The following UBXN7 variants were observed in gnomAD, a reference collection of about 807,000 sequenced individuals.
The protein encoded by UBXN7 is UBX domain protein 7.
A neutral mutation model predicts 58.0 loss-of-function variants in UBXN7; 9 were observed. That is an observed-to-expected ratio of 0.16 (90% confidence interval 0.09 to 0.27). The LOEUF (loss-of-function observed/expected upper bound fraction) is 0.27. UBXN7 is among the 10% of genes least tolerant of loss of function. The pLI is 1.00. For missense variants in UBXN7, 328 were observed against 599.6 expected (o/e 0.55, Z 4.73); for synonymous variants, 208 against 205.0 (o/e 1.01, Z -0.12).
intron 4 of UBXN7, 52 bp downstream of exon 4, chr3:196,393,502 T>G (rs369714096): frequency 9.7e-6 from 15 of 1,542,822 alleles, no homozygotes; most frequent in African/African-American, 5.6e-5. Context: ...CATCTTTGTC[T>G]TTTTAATAGG....
intron 1 of UBXN7, among the ~76,000 whole-genome samples, chr3:196,411,725 C>T (rs1407323196): frequency 4.6e-5 from 7 of 151,914 alleles, no homozygotes; most frequent in African/African-American, 9.7e-5. Flanking sequence ...ACAGGAGAAT[C>T]GCTTAACCTG....
At chr3:196,423,181 T>C (rs1730740249) in intron 1 of UBXN7, 3 of 152,878 alleles carry the variant, frequency 2.0e-5, no homozygotes, top group Middle Eastern at 3.4e-3. Context: ...GGTCTGGGGA[T>C]CATCTCTACC....
chr3:196,407,171 A>C, intron 2 of UBXN7, 75 bp downstream of exon 2: 1 of 1,562,920 alleles, frequency 6.4e-7, no homozygotes, highest in Non-Finnish European at 8.7e-7. Context: ...CAGAGAATCG[A>C]CCTAGCTTTG....
chr3:196,382,310 G>T (rs1475123108), intron 5 of UBXN7, among the ~76,000 whole-genome samples: 1 of 152,180 alleles, frequency 6.6e-6, no homozygotes, highest in South Asian at 2.1e-4. Flanking sequence ...AACCCTACAA[G>T]CCAGAAGAGT....
Position 196,355,955 on chromosome 3 carries a change from T to C in UBXN7, c.*730A>G, listed in dbSNP as rs1728334009. 1 of 152,390 alleles carries C rather than the reference T, an allele frequency of 6.6e-6. No homozygotes were observed. Among genetic ancestry groups the C allele is most frequent in the African/African-American group, 2.4e-5 (1 of 41,446 alleles). 9.4% of individuals were successfully genotyped at this position (152,390 alleles called of 1,614,324 possible). A position where few individuals can be genotyped will look rare whatever the true frequency, so the allele number is the denominator to read the frequency against. On this transcript the variant is annotated 3_prime_UTR_variant, in exon 11 of 11. Transcript: ENST00000296328. Reference sequence around the variant, plus strand: ...GACTAGCAGGATCAATACAGAGTAATAAGGAAAACTGTCTCAGGTTAGGAC... The same window carrying C: ...GACTAGCAGGATCAATACAGAGTAACAAGGAAAACTGTCTCAGGTTAGGAC...
chr3:196,407,766 G>GA (rs1730206427), intron 1 of UBXN7, among the ~76,000 whole-genome samples: 1 of 152,130 alleles, frequency 6.6e-6, no homozygotes, highest in African/African-American at 2.4e-5. Context: ...TGCTTTGTTA[G>GA]AAAGAATACA....
At chr3:196,357,954 T>C (rs1728396101) in intron 10 of UBXN7, among the ~76,000 whole-genome samples, 1 of 152,080 alleles carries the variant, frequency 6.6e-6, no homozygotes, top group Non-Finnish European at 1.5e-5. Context: ...GAGAATGGCT[T>C]AAGCCTGGCA....
At position 196,356,764 on chromosome 3, in the gene UBXN7, G is replaced by A; in HGVS notation, c.1391C>T (p.Ser464Phe). Reference sequence around the variant, plus strand: ...CAATGTAATATCATAGTCCAGATGAGATAATTTCCTTCGAGGAAAGTTGGT... The same window carrying A: ...CAATGTAATATCATAGTCCAGATGAAATAATTTCCTTCGAGGAAAGTTGGT... Reference protein sequence around the residue: ...LLTNFPRRKLSHLDYDITLQE... With the variant: ...LLTNFPRRKLFHLDYDITLQE... Residue 464 changes from serine (S) to phenylalanine (F), a missense_variant, in exon 11 of 11, where the codon TCT becomes TTT. Ser to Phe is a radical substitution (Grantham distance 155). Around this residue, in one of 4 missense-constraint regions of UBXN7, gnomAD observed 30 missense variants for 94.8 expected, o/e 0.32. Coordinates refer to ENST00000296328, the MANE Select transcript of UBXN7 (RefSeq NM_015562.2). 1 of 1,613,994 alleles carries A rather than the reference G, an allele frequency of 6.2e-7. No homozygotes were observed. The highest frequency in any genetic ancestry group is 8.5e-7 in the Non-Finnish European group (1 of 1,180,008).
chr3:196,392,878 G>A (rs1347711915), intron 4 of UBXN7, among the ~76,000 whole-genome samples: 2 of 152,114 alleles, frequency 1.3e-5, no homozygotes, highest in Non-Finnish European at 2.9e-5. Flanking sequence ...TCCACTGGAA[G>A]GACACAGGAT....
At position 196,348,923 on chromosome 3, in the gene UBXN7, CAAACAAAACAAAACA is replaced by C. The variant is rs368311889; in HGVS notation, c.*7747_*7761del. The C allele has an allele frequency of 2.0e-5, 3 of 151,530 alleles. No individual in the cohort carries two copies. Among genetic ancestry groups the C allele is most frequent in the Admixed American group, 6.6e-5 (1 of 15,202 alleles). 9.4% of individuals were successfully genotyped at this position (151,530 alleles called of 1,614,324 possible). ...CTCGAAAAAGGACTTTCCTGAAGGG[CAAACAAAACAAAACA>C]AAACAAAACAAAACAAACAAAACAA... is the stretch of plus-strand genomic sequence containing the variant. On this transcript the variant is annotated 3_prime_UTR_variant, in exon 11 of 11. Transcript: ENST00000296328.
chr3:196,420,489 C>T (rs896663549), intron 1 of UBXN7, among the ~76,000 whole-genome samples: 11 of 151,224 alleles, frequency 7.3e-5, no homozygotes, highest in African/African-American at 2.7e-4. Context: ...CAAGATTGCG[C>T]CATTGCACTC....
intron 7 of UBXN7, 109 bp from the exon 8 acceptor site, chr3:196,368,264 T>C: frequency 8.9e-7 from 1 of 1,122,206 alleles, no homozygotes; most frequent in Non-Finnish European, 1.2e-6. Context: ...AACACTCTCA[T>C]TAAGTATCTC....
intron 1 of UBXN7, among the ~76,000 whole-genome samples, chr3:196,430,628 A>C (rs1055288994): frequency 3.3e-5 from 5 of 151,780 alleles, no homozygotes; most frequent in Non-Finnish European, 5.9e-5. Context: ...GCCCCATGTG[A>C]ATCTCCAGCC....
chr3:196,381,254 G>A (rs142216724), intron 5 of UBXN7, among the ~76,000 whole-genome samples: 15 of 152,272 alleles, frequency 9.9e-5, no homozygotes, highest in Admixed American at 2.0e-4. Context: ...TCATACAGGC[G>A]GCTGCCCCTC....
Position 196,350,646 on chromosome 3 carries a change from G to A in UBXN7, c.*6039C>T, listed in dbSNP as rs1019835262. On this transcript the variant is annotated 3_prime_UTR_variant, in exon 11 of 11. Transcript: ENST00000296328. The stretch of plus-strand genomic sequence containing the variant: ...CCATTATAATCTCTATTTTTAAAAA[G>A]ACATCAAGAAATTCTTGATTCTATA... 2 of 108,568 alleles carry A rather than the reference G, an allele frequency of 1.8e-5. No homozygotes were observed. Among genetic ancestry groups the A allele is most frequent in the African/African-American group, 6.5e-5 (2 of 30,700 alleles). The allele number at this position is 108,568 out of a possible 1,614,324, so 6.7% of individuals were successfully genotyped here.
At chr3:196,403,250 C>T (rs1475406601) in intron 2 of UBXN7, among the ~76,000 whole-genome samples, 3 of 152,084 alleles carry the variant, frequency 2.0e-5, no homozygotes, top group Non-Finnish European at 4.4e-5. Flanking sequence ...CTCCACCTCC[C>T]GAGTTAAAGC....
chr3:196,415,153 CTTTT>C (rs869101939), intron 1 of UBXN7, among the ~76,000 whole-genome samples: 2 of 130,376 alleles, frequency 1.5e-5, no homozygotes, highest in Non-Finnish European at 1.6e-5. Flanking sequence ...TATCATACTT[CTTTT>C]TTTTTTTTTT....
chr3:196,377,614 T>C (rs1729072405), intron 5 of UBXN7, among the ~76,000 whole-genome samples: 1 of 152,104 alleles, frequency 6.6e-6, no homozygotes. Context: ...ACACATCAAA[T>C]GGCCCTGAAC....
chr3:196,388,870 G>A (rs537650444), intron 5 of UBXN7, among the ~76,000 whole-genome samples: 2 of 152,000 alleles, frequency 1.3e-5, no homozygotes, highest in South Asian at 2.1e-4. Context: ...GCTTTTGGAA[G>A]GGAATATTTA....
Sources: gnomAD v4.1 joint callset for allele counts (sites outside exome capture counted in the v4.1 genomes callset) on GRCh38, gnomAD v4.1.1 for gene constraint, gnomAD v4.1.1 regional missense constraint, MANE v1.5 for transcripts, NCBI Gene and HGNC (gene_info 2026-07-23, HGNC 2026-07-21) for gene names.